The following USP34 variants were observed in gnomAD, a reference collection of about 807,000 sequenced individuals.
USP34 encodes the protein ubiquitin carboxyl-terminal hydrolase 34.
In USP34, 70 loss-of-function variants were observed where a neutral mutation model predicts 460.3. That is an observed-to-expected ratio of 0.15 (90% CI 0.13 to 0.19). The LOEUF (loss-of-function observed/expected upper bound fraction) is 0.19, where lower values mean the gene tolerates loss of function less well. Ranked by LOEUF, USP34 falls within the 10% of genes least tolerant of loss-of-function variation. The pLI, the probability that USP34 is intolerant of heterozygous loss-of-function variation, is 1.00. For missense variants in USP34, 3,985 were observed against 4,236.2 expected (o/e 0.94, Z 1.65); for synonymous variants, 1,647 against 1,405.3 (o/e 1.17, Z -3.85).
chr2:61,437,596 AC>A (rs1694847347), intron 1 of USP34, among the ~76,000 whole-genome samples: 1 of 151,974 alleles, frequency 6.6e-6, no homozygotes, highest in South Asian at 2.1e-4. Context: ...ATATGGTGAA[AC>A]CCCGTCTCTA....
intron 57 of USP34, 59 bp from the exon 58 acceptor site, chr2:61,232,591 A>C: frequency 7.7e-7 from 1 of 1,297,394 alleles, no homozygotes; most frequent in South Asian, 1.3e-5. Context: ...TACATGGGAT[A>C]ACAGTCACAT....
At chr2:61,193,087 AT>A in intron 75 of USP34, 107 bp from the exon 76 acceptor site, 1 of 823,510 alleles carries the variant, frequency 1.2e-6, no homozygotes, top group African/African-American at 1.7e-5. Context: ...ATAACTGCAT[AT>A]TTTCTATATT....
chr2:61,210,401 G>A (rs1381701200), intron 69 of USP34, among the ~76,000 whole-genome samples: 1 of 152,158 alleles, frequency 6.6e-6, no homozygotes, highest in Non-Finnish European at 1.5e-5. Context: ...ATTCAGTGTA[G>A]TAACATGCTA....
At chr2:61,195,993 G>A (rs1367518184) in intron 75 of USP34, among the ~76,000 whole-genome samples, 2 of 146,972 alleles carry the variant, frequency 1.4e-5, no homozygotes, top group Non-Finnish European at 3.0e-5. Context: ...TGCAACCTCC[G>A]CCTCCTGGGC....
chr2:61,241,690 T>C, intron 52 of USP34, 35 bp from the exon 53 acceptor site: 1 of 1,545,638 alleles, frequency 6.5e-7, no homozygotes, highest in South Asian at 1.2e-5. Flanking sequence ...ATTTTCATTT[T>C]GACAAAGTAT....
intron 18 of USP34, among the ~76,000 whole-genome samples, chr2:61,338,929 C>T (rs910605478): frequency 6.6e-6 from 1 of 152,096 alleles, no homozygotes; most frequent in Non-Finnish European, 1.5e-5. Context: ...TTAAAAGATA[C>T]ATCTAAATGG....
chr2:61,427,035 T>C (rs1490441016), intron 1 of USP34, among the ~76,000 whole-genome samples: 1 of 152,170 alleles, frequency 6.6e-6, no homozygotes, highest in Admixed American at 6.5e-5. Flanking sequence ...TAGATCACAA[T>C]ACCCAAGTTT....
intron 27 of USP34, among the ~76,000 whole-genome samples, chr2:61,304,742 T>C (rs1262130409): frequency 1.3e-5 from 2 of 152,248 alleles, no homozygotes; most frequent in African/African-American, 4.8e-5. Context: ...TATGGTAGTT[T>C]TATATAGCAC....
chr2:61,429,651 C>T (rs140365934), intron 1 of USP34, among the ~76,000 whole-genome samples: 193 of 152,058 alleles, frequency 1.3e-3, no homozygotes, highest in East Asian at 5.6e-3. Flanking sequence ...TGCCAACATA[C>T]GGAATTCTAT....
chr2:61,250,437 T>C (rs1688545372), intron 48 of USP34: 1 of 156,174 alleles, frequency 6.4e-6, no homozygotes, highest in South Asian at 2.0e-4. Flanking sequence ...CTCTCCTGTT[T>C]ATAGATTAAA....
intron 53 of USP34, among the ~76,000 whole-genome samples, chr2:61,240,596 CAG>C (rs1325699257): frequency 2.7e-5 from 4 of 146,936 alleles, no homozygotes; most frequent in East Asian, 4.1e-4. Flanking sequence ...TTTTTTGAGA[CAG>C]AGTTTTGCTC....
intron 20 of USP34, among the ~76,000 whole-genome samples, chr2:61,328,320 GA>G (rs949771221): frequency 2.6e-4 from 37 of 144,502 alleles, no homozygotes; most frequent in South Asian, 4.4e-4. Context: ...AAAATAAAGT[GA>G]AAAAAAAATA....
intron 1 of USP34, among the ~76,000 whole-genome samples, chr2:61,460,223 G>A (rs966786997): frequency 6.6e-6 from 1 of 152,132 alleles, no homozygotes; most frequent in African/African-American, 2.4e-5. Context: ...AATATTAAAT[G>A]GAAAATTCCA....
intron 16 of USP34, among the ~76,000 whole-genome samples, 159 bp from the exon 17 acceptor site, chr2:61,339,840 G>GT (rs112162554): frequency 0.014 from 2,042 of 144,052 alleles, 23 homozygotes; most frequent in African/African-American, 0.029. Flanking sequence ...TTTTGTTTTT[G>GT]TTTTTTTTTT....
intron 10 of USP34, among the ~76,000 whole-genome samples, chr2:61,366,739 G>A (rs1449896446): frequency 6.6e-6 from 1 of 152,110 alleles, no homozygotes; most frequent in Admixed American, 6.6e-5. Flanking sequence ...CAACATTTAT[G>A]TAGTTGTCTC....
chr2:61,458,700 C>G (rs1264016092), intron 1 of USP34, among the ~76,000 whole-genome samples: 1 of 94,954 alleles, frequency 1.1e-5, no homozygotes, highest in Non-Finnish European at 2.2e-5. Flanking sequence ...CTTCACAAGT[C>G]AAGGTAGGCC....
chr2:61,429,632 T>A (rs534444090), intron 1 of USP34, among the ~76,000 whole-genome samples: 1 of 151,930 alleles, frequency 6.6e-6, no homozygotes, highest in Non-Finnish European at 1.5e-5. Flanking sequence ...AAAAAAGTTA[T>A]CATATATATG....
chr2:61,325,764 A>C (rs1030945823), intron 20 of USP34, among the ~76,000 whole-genome samples: 3 of 152,292 alleles, frequency 2.0e-5, no homozygotes, highest in Admixed American at 6.5e-5. Flanking sequence ...ACACACACAT[A>C]AGTTAGAATA....
chr2:61,210,870 C>T (rs539250098), intron 69 of USP34, among the ~76,000 whole-genome samples: 55 of 152,158 alleles, frequency 3.6e-4, no homozygotes, highest in African/African-American at 1.3e-3. Flanking sequence ...GCCGTCACAC[C>T]CTAATTTATT....
Sources: gnomAD v4.1 joint callset for allele counts (sites outside exome capture counted in the v4.1 genomes callset) on GRCh38, gnomAD v4.1.1 for gene constraint, MANE v1.5 for transcripts, NCBI Gene and HGNC (gene_info 2026-07-23, HGNC 2026-07-21) for gene names.